The following SLC8A1 variants were observed in gnomAD, a reference collection of about 807,000 sequenced individuals.
SLC8A1 encodes sodium/calcium exchanger 1.
Under a neutral mutation model 68.3 loss-of-function variants are expected in SLC8A1, and 18 were observed. The ratio of observed to expected loss-of-function variants is 0.26; its 90% CI spans 0.18 to 0.39. The LOEUF is 0.39. Among genes scored for constraint, SLC8A1 ranks in the 10% least tolerant of loss-of-function variants. SLC8A1 has a pLI of 1.00. For missense variants in SLC8A1, 985 were observed against 1,156.7 expected (o/e 0.85, Z 2.15); for synonymous variants, 475 against 415.5 (o/e 1.14, Z -1.74).
intron 2 of SLC8A1, among the ~76,000 whole-genome samples, chr2:40,310,638 T>C (rs1184193788): frequency 6.6e-6 from 1 of 152,150 alleles, no homozygotes; most frequent in Non-Finnish European, 1.5e-5. Context: ...CTATATTCTT[T>C]AGCACCATGG....
chr2:40,434,481 G>C (rs1183069568), intron 1 of SLC8A1, among the ~76,000 whole-genome samples: 1 of 151,944 alleles, frequency 6.6e-6, no homozygotes, highest in African/African-American at 2.4e-5. Flanking sequence ...ATTCAAAGTA[G>C]TTCTACTAAA....
At chr2:40,235,012 T>C (rs1427356362) in intron 2 of SLC8A1, among the ~76,000 whole-genome samples, 3 of 152,194 alleles carry the variant, frequency 2.0e-5, no homozygotes, top group African/African-American at 4.8e-5. Flanking sequence ...CAGTATTTTA[T>C]TGAGGATTTT....
At chr2:40,161,376 A>G (rs1287763624) in intron 5 of SLC8A1, among the ~76,000 whole-genome samples, 1 of 152,092 alleles carries the variant, frequency 6.6e-6, no homozygotes, top group Non-Finnish European at 1.5e-5. Flanking sequence ...CAATAAATGG[A>G]TTTGTCTCTG....
chr2:40,156,913 T>C (rs899763172), intron 6 of SLC8A1, among the ~76,000 whole-genome samples: 2 of 152,192 alleles, frequency 1.3e-5, no homozygotes. Flanking sequence ...TCAGGCCTCA[T>C]GCACAGCAAG....
rs74177097 is a variant in SLC8A1, at chr2:40,232,753, G to T, written c.1809-54898C>A. On this transcript the variant is annotated intron_variant, in intron 2 of 7. Transcript: ENST00000406785. The stretch of plus-strand genomic sequence containing the variant: ...CTCCCAGTGCTATCCCTCCCCCCCC[G>T]CCACCCCACAACAGTCCCCAGAGTG... Among the ~76,000 whole-genome samples, 48 of 52,928 alleles carry T rather than the reference G, an allele frequency of 9.1e-4. 7 individuals carry two copies. Among genetic ancestry groups the T allele is most frequent in the Non-Finnish European group, 9.9e-4 (23 of 23,284 alleles). The allele number at this position is 52,928 out of a possible 152,430, so 34.7% of individuals were successfully genotyped here. A position where few individuals can be genotyped will look rare whatever the true frequency, so the allele number is the denominator to read the frequency against.
intron 2 of SLC8A1, among the ~76,000 whole-genome samples, chr2:40,368,009 C>T (rs1254386093): frequency 6.6e-6 from 1 of 152,116 alleles, no homozygotes; most frequent in African/African-American, 2.4e-5. Context: ...TCAAGTGTTT[C>T]AGCCTGTTAA....
intron 2 of SLC8A1, among the ~76,000 whole-genome samples, chr2:40,352,054 T>C (rs1361784488): frequency 6.6e-6 from 1 of 152,170 alleles, no homozygotes; most frequent in African/African-American, 2.4e-5. Context: ...CTTAAGTCAA[T>C]CTAGAGAATA....
chr2:40,126,814 G>A (rs1458996548), intron 7 of SLC8A1, among the ~76,000 whole-genome samples: 1 of 152,076 alleles, frequency 6.6e-6, no homozygotes, highest in Non-Finnish European at 1.5e-5. Context: ...TTTATCATCT[G>A]TTTATAAGTA....
At chr2:40,503,913 T>C (rs1706199875) in intron 1 of SLC8A1, among the ~76,000 whole-genome samples, 1 of 152,042 alleles carries the variant, frequency 6.6e-6, no homozygotes, top group Admixed American at 6.6e-5. Context: ...GCAATTCCTA[T>C]CAAAATGCCG....
chr2:40,164,270 G>A (rs944680628), intron 5 of SLC8A1, among the ~76,000 whole-genome samples: 1 of 152,218 alleles, frequency 6.6e-6, no homozygotes, highest in African/African-American at 2.4e-5. Context: ...TTATCATCTA[G>A]AGAACTGAGA....
chr2:40,196,273 T>C lies in SLC8A1; in HGVS notation c.1809-18418A>G, dbSNP rs535558112. On this transcript the variant is annotated intron_variant, in intron 2 of 7. Transcript: ENST00000406785. ...AAGAGGAGTTGAATGAAATGACACA[T>C]GGTAGGGGCAGTTGTAGTGAGTGGT... Among the ~76,000 whole-genome samples the C allele has an allele frequency of 1.8e-4, 28 of 152,058 alleles. No individual in the cohort carries two copies. In the South Asian group the frequency reaches 5.4e-3, roughly 29 times the overall value.
At chr2:40,451,462 G>A (rs1702470909) in intron 1 of SLC8A1, among the ~76,000 whole-genome samples, 1 of 152,198 alleles carries the variant, frequency 6.6e-6, no homozygotes, top group Non-Finnish European at 1.5e-5. Flanking sequence ...GGGATTACCG[G>A]AAGGAGGGAT....
At chr2:40,190,186 CAA>C (rs2051504728) in intron 2 of SLC8A1, among the ~76,000 whole-genome samples, 1 of 152,164 alleles carries the variant, frequency 6.6e-6, no homozygotes, top group Non-Finnish European at 1.5e-5. Context: ...CACCCATTCC[CAA>C]GTTTGTCATC....
At chr2:40,374,937 T>C (rs1403809398) in intron 2 of SLC8A1, among the ~76,000 whole-genome samples, 1 of 152,138 alleles carries the variant, frequency 6.6e-6, no homozygotes, top group Non-Finnish European at 1.5e-5. Flanking sequence ...TATATTTTCA[T>C]CTTCCTTATT....
At chr2:40,116,727 T>C (rs1388823975) in intron 7 of SLC8A1, 1 of 152,252 alleles carries the variant, frequency 6.6e-6, no homozygotes, top group Non-Finnish European at 1.5e-5. Flanking sequence ...TTTCTCATGG[T>C]GCTTTTCTAC....
chr2:40,410,547 T>C (rs1691794701), intron 2 of SLC8A1, among the ~76,000 whole-genome samples: 1 of 152,020 alleles, frequency 6.6e-6, no homozygotes. Context: ...AATATAGTAA[T>C]TATAATTATT....
chr2:40,363,993 G>T (rs148784721), intron 2 of SLC8A1, among the ~76,000 whole-genome samples: 2 of 151,968 alleles, frequency 1.3e-5, no homozygotes, highest in Non-Finnish European at 1.5e-5. Context: ...TAAAAAAAGG[G>T]CTAATCAGAA....
chr2:40,374,303 G>A (rs1351851862), intron 2 of SLC8A1, among the ~76,000 whole-genome samples: 3 of 151,892 alleles, frequency 2.0e-5, no homozygotes, highest in African/African-American at 7.3e-5. Flanking sequence ...CTTGAGCCCA[G>A]GAGTTCCAGA....
chr2:40,119,481 A>G (rs1171236775), intron 7 of SLC8A1, among the ~76,000 whole-genome samples: 1 of 152,222 alleles, frequency 6.6e-6, no homozygotes, highest in Non-Finnish European at 1.5e-5. Context: ...ACATAGGGCA[A>G]TACATCACAT....
Sources: allele counts gnomAD v4.1 joint callset (sites outside exome capture counted in the v4.1 genomes callset), GRCh38; gene constraint gnomAD v4.1.1; transcripts MANE v1.5; gene names NCBI Gene and HGNC (gene_info 2026-07-23, HGNC 2026-07-21).